Variants in EYS observed in about 807,000 individuals in gnomAD.
EYS encodes EGF-like photoreceptor maintenance factor, also known as protein eyes shut homolog.
EYS carries 250 observed loss-of-function variants against 282.1 expected under a neutral mutation model. The observed-to-expected ratio is 0.89, with a 90% CI of 0.80 to 0.98. The LOEUF is 0.98. Ranked by LOEUF, EYS falls within the 50% of genes least tolerant of loss-of-function variation. The probability of loss-of-function intolerance (pLI) is 0.00; values close to 1 mark genes in which losing one functional copy is unlikely to be tolerated. For synonymous variants in EYS, 1,355 were observed against 1,282.9 expected (o/e 1.06, Z -1.20); for missense variants, 4,016 against 3,709.0 (o/e 1.08, Z -2.15).
chr6:64,275,472 C>T (rs1427746593), intron 30 of EYS, among the ~76,000 whole-genome samples: 7 of 121,234 alleles, frequency 5.8e-5, no homozygotes, highest in Admixed American at 8.9e-5. Flanking sequence ...TTTCTTGAGA[C>T]GGAGTCTCGC....
At chr6:65,141,160 C>A (rs182724104) in intron 12 of EYS, among the ~76,000 whole-genome samples, 274 of 151,998 alleles carry the variant, frequency 1.8e-3, no homozygotes, top group African/African-American at 5.7e-3. Flanking sequence ...TACTATGCAG[C>A]CACAAAAAAT....
At chr6:64,918,668 T>C (rs1043350818) in intron 15 of EYS, among the ~76,000 whole-genome samples, 2 of 152,024 alleles carry the variant, frequency 1.3e-5, no homozygotes, top group Admixed American at 1.3e-4. Flanking sequence ...TGGATAATGG[T>C]TAGTAAGCAG....
intron 22 of EYS, among the ~76,000 whole-genome samples, chr6:64,726,363 T>G (rs1268673710): frequency 1.3e-5 from 2 of 152,306 alleles, no homozygotes; most frequent in Non-Finnish European, 2.9e-5. Flanking sequence ...TTTCACACAT[T>G]GCCTAGCACT....
At chr6:63,947,213 T>C (rs955717726) in intron 35 of EYS, among the ~76,000 whole-genome samples, 1 of 152,118 alleles carries the variant, frequency 6.6e-6, no homozygotes, top group Non-Finnish European at 1.5e-5. Context: ...GTGAATGTGC[T>C]TAAATCCCAG....
chr6:64,714,769 G>C (rs530324198), intron 22 of EYS, among the ~76,000 whole-genome samples: 1 of 151,764 alleles, frequency 6.6e-6, no homozygotes, highest in Non-Finnish European at 1.5e-5. Flanking sequence ...CTCGTGATCC[G>C]CCTGCCTCGG....
chr6:63,932,399 G>A (rs1764922090), intron 35 of EYS, among the ~76,000 whole-genome samples: 1 of 152,072 alleles, frequency 6.6e-6, no homozygotes, highest in South Asian at 2.1e-4. Context: ...TGACTCCTGA[G>A]AAAAAAGTGG....
At chr6:63,910,414 C>G (rs1042128637) in intron 35 of EYS, among the ~76,000 whole-genome samples, 1 of 152,130 alleles carries the variant, frequency 6.6e-6, no homozygotes, top group Non-Finnish European at 1.5e-5. Context: ...AGATGGAATT[C>G]TGTGTACCGA....
intron 2 of EYS, among the ~76,000 whole-genome samples, chr6:65,620,136 C>T (rs199853238): frequency 1.3e-5 from 2 of 152,110 alleles, no homozygotes; most frequent in African/African-American, 2.4e-5. Context: ...ATGGTACCAG[C>T]TCCTCCTTGT....
intron 35 of EYS, among the ~76,000 whole-genome samples, chr6:63,921,056 C>G (rs1764561243): frequency 6.6e-6 from 1 of 152,148 alleles, no homozygotes; most frequent in South Asian, 2.1e-4. Flanking sequence ...CCACACCTGG[C>G]TAATTTTGTT....
chr6:65,702,931 A>G (rs1769731868), intron 1 of EYS, among the ~76,000 whole-genome samples: 1 of 152,142 alleles, frequency 6.6e-6, no homozygotes, highest in Non-Finnish European at 1.5e-5. Flanking sequence ...TGTTATTAAC[A>G]TTTAAATCAG....
At chr6:65,032,615 A>G (rs113519339) in intron 13 of EYS, among the ~76,000 whole-genome samples, 3,450 of 152,232 alleles carry the variant, frequency 0.023, 126 homozygotes, top group African/African-American at 0.079. Context: ...GAATCTGGGC[A>G]GATGCCAGCA....
At chr6:64,563,673 G>C (rs1216821346) in intron 26 of EYS, among the ~76,000 whole-genome samples, 1 of 151,962 alleles carries the variant, frequency 6.6e-6, no homozygotes, top group African/African-American at 2.4e-5. Flanking sequence ...GAGCATCAAG[G>C]CTACCATACT....
chr6:65,522,063 A>T (rs1767394468), intron 2 of EYS, among the ~76,000 whole-genome samples: 1 of 152,124 alleles, frequency 6.6e-6, no homozygotes, highest in Non-Finnish European at 1.5e-5. Flanking sequence ...AATTCTATCA[A>T]ATCTTGGTGA....
intron 19 of EYS, among the ~76,000 whole-genome samples, chr6:64,828,345 A>G (rs1765120891): frequency 6.6e-6 from 1 of 151,978 alleles, no homozygotes. Flanking sequence ...AAATATGTAA[A>G]GAGATAACGG....
intron 12 of EYS, among the ~76,000 whole-genome samples, chr6:65,126,019 A>G (rs1229444031): frequency 6.6e-6 from 1 of 152,124 alleles, no homozygotes; most frequent in Non-Finnish European, 1.5e-5. Context: ...GTACCTGGTA[A>G]GATTATAAAG....
intron 12 of EYS, among the ~76,000 whole-genome samples, chr6:65,193,742 A>C: frequency 6.6e-6 from 1 of 151,768 alleles, no homozygotes; most frequent in African/African-American, 2.4e-5. Context: ...AGTAAACAAT[A>C]TAATACAAAA....
At chr6:64,029,231 T>C (rs1418361623) in intron 33 of EYS, among the ~76,000 whole-genome samples, 2 of 152,090 alleles carry the variant, frequency 1.3e-5, no homozygotes, top group African/African-American at 2.4e-5. Context: ...CCGGGATAGC[T>C]CTTTGAGTCC....
chr6:64,578,132 C>G (rs1765941564), intron 26 of EYS, among the ~76,000 whole-genome samples: 1 of 152,072 alleles, frequency 6.6e-6, no homozygotes, highest in African/African-American at 2.4e-5. Context: ...CTCACACACA[C>G]TGATCTGTTC....
intron 11 of EYS, among the ~76,000 whole-genome samples, chr6:65,311,028 A>C (rs1275323842): frequency 6.6e-6 from 1 of 152,092 alleles, no homozygotes; most frequent in Non-Finnish European, 1.5e-5. Flanking sequence ...TGTCAAATGA[A>C]TACGTAATTT....
Sources: gnomAD v4.1 joint callset for allele counts (sites outside exome capture counted in the v4.1 genomes callset) on GRCh38, gnomAD v4.1.1 for gene constraint, MANE v1.5 for transcripts, NCBI Gene and HGNC (gene_info 2026-07-23, HGNC 2026-07-21) for gene names.